REDIC1: variants seen among roughly 807,000 people sequenced by gnomAD.
REDIC1 encodes the protein HEI10 Interacting Protein 1.
chr12:39,684,802 A>G, the REDIC1 span: 1 of 1,229,628 alleles, frequency 8.1e-7, no homozygotes, highest in Non-Finnish European at 1.2e-6. Context: ...GGGAACTCTA[A>G]TTTAGAACAA....
At chr12:39,826,341 C>T in the REDIC1 span, among the ~76,000 whole-genome samples, 1 of 151,772 alleles carries the variant, frequency 6.6e-6, no homozygotes, top group African/African-American at 2.4e-5. Context: ...CTCCTGTGAA[C>T]AGCATACAAC....
chr12:39,792,254 C>A, the REDIC1 span, among the ~76,000 whole-genome samples: 1 of 142,686 alleles, frequency 7.0e-6, no homozygotes, highest in Non-Finnish European at 1.5e-5. Flanking sequence ...AAACGTTAGA[C>A]CTAAAACCAT....
the REDIC1 span, chr12:39,683,475 C>G: frequency 1.3e-6 from 2 of 1,593,100 alleles, no homozygotes; most frequent in East Asian, 4.5e-5. Context: ...AAATATCCAG[C>G]AAACTCTATG....
chr12:39,713,286 GTATATATGTGTACACACACATACGTGTA>G, the REDIC1 span, among the ~76,000 whole-genome samples: 8 of 27,110 alleles, frequency 3.0e-4, no homozygotes, highest in Non-Finnish European at 9.9e-4. Flanking sequence ...ACACATACGT[GTATATATGTGTACACACACATACGTGTA>G]TATATGTGTA....
At chr12:39,866,565 G>A in the REDIC1 span, among the ~76,000 whole-genome samples, 3 of 151,862 alleles carry the variant, frequency 2.0e-5, no homozygotes, top group African/African-American at 4.8e-5. Flanking sequence ...TGCAGGCTCC[G>A]CCCCCCGGGG....
At chr12:39,710,933 G>A in the REDIC1 span, among the ~76,000 whole-genome samples, 5 of 150,978 alleles carry the variant, frequency 3.3e-5, no homozygotes, top group East Asian at 9.8e-4. Context: ...GGGTAAAGGT[G>A]GTATTTCCTC....
At chr12:39,684,982 C>A in the REDIC1 span, 1 of 1,223,518 alleles carries the variant, frequency 8.2e-7, no homozygotes, top group Non-Finnish European at 1.2e-6. Flanking sequence ...ATTACCATAT[C>A]ACATTACTGT....
At chr12:39,629,611 A>G in the REDIC1 span, among the ~76,000 whole-genome samples, 1 of 152,158 alleles carries the variant, frequency 6.6e-6, no homozygotes, top group Non-Finnish European at 1.5e-5. Context: ...TTTGTAAAGG[A>G]AAGAGCCAGT....
chr12:39,874,935 G>T, the REDIC1 span, among the ~76,000 whole-genome samples: 2,616 of 152,272 alleles, frequency 0.017, 94 homozygotes, highest in African/African-American at 0.06. Context: ...AAACAGTAAG[G>T]GGAGGAGCTG....
the REDIC1 span, among the ~76,000 whole-genome samples, chr12:39,863,658 C>A: frequency 6.6e-6 from 1 of 152,150 alleles, no homozygotes; most frequent in African/African-American, 2.4e-5. Context: ...TATGAAGACA[C>A]CCTTAAGTCT....
chr12:39,746,811 A>G, the REDIC1 span, among the ~76,000 whole-genome samples: 3 of 152,270 alleles, frequency 2.0e-5, no homozygotes, highest in African/African-American at 7.2e-5. Flanking sequence ...TACCTAGGCA[A>G]ACAGCATCTG....
the REDIC1 span, among the ~76,000 whole-genome samples, chr12:39,653,207 C>A: frequency 6.6e-6 from 1 of 151,978 alleles, no homozygotes; most frequent in South Asian, 2.1e-4. Flanking sequence ...TCTTTAATTT[C>A]TTCAATAATA....
chr12:39,899,366 T>A, the REDIC1 span, among the ~76,000 whole-genome samples: 1 of 152,304 alleles, frequency 6.6e-6, no homozygotes, highest in Non-Finnish European at 1.5e-5. Context: ...TTGATTCTCC[T>A]CTCTTTTCTT....
At chr12:39,650,398 G>A in the REDIC1 span, 1 of 1,555,078 alleles carries the variant, frequency 6.4e-7, no homozygotes, top group South Asian at 1.2e-5. This position sits in a 1 kb window ranked among gnomAD's most constrained non-coding sequence, Gnocchi z 4.3. Context: ...GTAGCATTCT[G>A]TACTTTCACT....
the REDIC1 span, chr12:39,758,815 C>T: frequency 1.3e-5 from 2 of 150,912 alleles, no homozygotes; most frequent in Non-Finnish European, 3.0e-5. Flanking sequence ...GGTAAATTCT[C>T]AGGAAAATGA....
the REDIC1 span, among the ~76,000 whole-genome samples, chr12:39,809,662 C>T: frequency 3.9e-5 from 6 of 152,146 alleles, no homozygotes; most frequent in Admixed American, 3.9e-4. Flanking sequence ...CCCCATCCCC[C>T]CACCCCACAA....
the REDIC1 span, among the ~76,000 whole-genome samples, chr12:39,807,228 G>A: frequency 6.6e-6 from 1 of 152,174 alleles, no homozygotes; most frequent in African/African-American, 2.4e-5. Flanking sequence ...AGTGGAGTGT[G>A]CTTACAGAAG....
At chr12:39,874,567 A>AC in the REDIC1 span, among the ~76,000 whole-genome samples, 1 of 150,568 alleles carries the variant, frequency 6.6e-6, no homozygotes, top group African/African-American at 2.4e-5. Context: ...GTGAGCCAAG[A>AC]TCACACCATT....
At chr12:39,810,057 T>C in the REDIC1 span, among the ~76,000 whole-genome samples, 4 of 152,194 alleles carry the variant, frequency 2.6e-5, no homozygotes, top group African/African-American at 4.8e-5. Context: ...GTATTTCTAG[T>C]TCTAGATCCC....
Sources: allele counts gnomAD v4.1 joint callset (sites outside exome capture counted in the v4.1 genomes callset), GRCh38; gene constraint gnomAD v4.1.1; non-coding constraint Gnocchi (gnomAD v3.1); transcripts MANE v1.5; gene names NCBI Gene and HGNC (gene_info 2026-07-23, HGNC 2026-07-21).